Variants in GMPS observed in about 807,000 individuals in gnomAD.
GMPS encodes the protein guanosine monophosphate synthase.
GMPS carries 15 observed loss-of-function variants against 77.9 expected under a neutral mutation model. That is an observed-to-expected ratio of 0.19 (90% CI 0.13 to 0.30). The LOEUF (loss-of-function observed/expected upper bound fraction) is 0.30, where lower values mean the gene tolerates loss of function less well. Ranked by LOEUF, GMPS falls within the 10% of genes least tolerant of loss-of-function variation. The pLI is 1.00. For synonymous variants in GMPS, 224 were observed against 275.9 expected (o/e 0.81, Z 1.86); for missense variants, 590 against 838.8 (o/e 0.70, Z 3.66).
upstream of GMPS, among the ~76,000 whole-genome samples, chr3:155,870,186 G>T (rs1244426175): frequency 6.6e-6 from 1 of 152,224 alleles, no homozygotes; most frequent in Non-Finnish European, 1.5e-5. Flanking sequence ...AGCAGCCTTG[G>T]CCTCCTTCAT....
At chr3:155,880,972 C>T (rs914033368) in intron 1 of GMPS, among the ~76,000 whole-genome samples, 1 of 151,688 alleles carries the variant, frequency 6.6e-6, no homozygotes, top group Non-Finnish European at 1.5e-5. Context: ...ATCATAAAGA[C>T]AAAGTCACCG....
At position 155,893,638 on chromosome 3, in the gene GMPS, G is replaced by A. The variant is rs745389093; in HGVS notation, c.148G>A (p.Val50Met). ...VIDRRVRELF[V>M]QSEIFPLETP... The stretch of plus-strand genomic sequence containing the variant: ...AGACCGAAGAGTGAGGGAACTGTTC[G>A]TGCAGTCTGAAATTTTCCCCTTGGA... Residue 50 changes from valine to methionine, a missense_variant, in exon 2 of 16, where the codon GTG (valine) becomes ATG (methionine). Physicochemically the swap from Val to Met is conservative, Grantham distance 21. Transcript: ENST00000496455. 8 of 1,611,968 alleles carry A rather than the reference G, an allele frequency of 5.0e-6. No individual in the cohort carries two copies. Among genetic ancestry groups the A allele is most frequent in the Non-Finnish European group, 5.1e-6 (6 of 1,178,276 alleles).
At chr3:155,870,949 G>A (rs932936524) in intron 1 of GMPS, 52 bp downstream of exon 1, 67 of 1,402,574 alleles carry the variant, frequency 4.8e-5, no homozygotes, top group Non-Finnish European at 6.1e-5. Context: ...CGAGGCTCCC[G>A]GACCGGGGAG....
At position 155,893,576 on chromosome 3, in the gene GMPS, T is replaced by C; in HGVS notation, c.86T>C (p.Val29Ala). The change falls in exon 2 of 16, where the codon GTC (valine) becomes GCC (alanine). Residue 29 changes from valine (V) to alanine (A), a missense_variant. Coordinates refer to ENST00000496455, the MANE Select transcript of GMPS (RefSeq NM_003875.3). ...CACCACCACTATGAAGGAGCTGTTG[T>C]CATTCTGGATGCTGGTGCTCAGTAC... ...DGHHHYEGAVVILDAGAQYGK... is the reference protein window; with the variant it reads ...DGHHHYEGAVAILDAGAQYGK... 1.2e-6 allele frequency: 2 copies of C among 1,612,808 alleles called. No homozygotes were observed.
intron 1 of GMPS, among the ~76,000 whole-genome samples, chr3:155,889,679 C>T (rs1754418420): frequency 1.3e-5 from 2 of 152,178 alleles, no homozygotes; most frequent in South Asian, 4.1e-4. Context: ...AAAACATTTC[C>T]ATAAACATTT....
chr3:155,876,055 T>C (rs147052563), intron 1 of GMPS, among the ~76,000 whole-genome samples: 1 of 152,326 alleles, frequency 6.6e-6, no homozygotes, highest in African/African-American at 2.4e-5. Flanking sequence ...ACAATACAAT[T>C]AGTAAGTAAA....
At chr3:155,877,797 CT>C (rs35973380) in intron 1 of GMPS, among the ~76,000 whole-genome samples, 78,475 of 112,924 alleles carry the variant, frequency 0.69, 26,151 homozygotes, top group Middle Eastern at 0.78. Flanking sequence ...ACCTTGGGGC[CT>C]TTTTTTTTTT....
intron 11 of GMPS, among the ~76,000 whole-genome samples, chr3:155,923,051 A>G (rs982953274): frequency 1.3e-5 from 2 of 152,308 alleles, no homozygotes; most frequent in African/African-American, 4.8e-5. Flanking sequence ...ACCATGAATG[A>G]GAAAGGAAAA....
In GMPS at chr3:155,894,940, G is replaced by A. The variant is rs1471351479; in HGVS notation, c.209+1241G>A. Among the ~76,000 whole-genome samples, 2 of 152,144 alleles carry A rather than the reference G, an allele frequency of 1.3e-5. 1 individual carries two copies. The highest frequency in any genetic ancestry group is 4.8e-5 in the African/African-American group (2 of 41,436). Reference sequence around the variant, plus strand: ...TGATTTTATTTACCAGCAAGAACTAGTTTTTTAGAGGGATCAAAAAACTCT... The same window carrying A: ...TGATTTTATTTACCAGCAAGAACTAATTTTTTAGAGGGATCAAAAAACTCT... On this transcript the variant is annotated intron_variant, in intron 2 of 15. Transcript: ENST00000496455.
intron 2 of GMPS, among the ~76,000 whole-genome samples, chr3:155,896,613 G>A (rs555105658): frequency 6.6e-6 from 1 of 150,970 alleles, no homozygotes; most frequent in African/African-American, 2.4e-5. Flanking sequence ...TAGACATGGG[G>A]TTTTGCCACA....
At chr3:155,878,233 C>T (rs2108049663) in intron 1 of GMPS, among the ~76,000 whole-genome samples, 1 of 152,284 alleles carries the variant, frequency 6.6e-6, no homozygotes, top group Non-Finnish European at 1.5e-5. Flanking sequence ...ACCGTAGCAC[C>T]TATTTTGGAC....
intron 2 of GMPS, among the ~76,000 whole-genome samples, chr3:155,896,506 G>A (rs1200347681): frequency 6.6e-6 from 1 of 152,044 alleles, no homozygotes; most frequent in Non-Finnish European, 1.5e-5. Context: ...GTGCTTTTGA[G>A]CTCATTGAAG....
chr3:155,942,858 G>C lies in GMPS; in HGVS notation c.*5166G>C, dbSNP rs1755926430. The stretch of plus-strand genomic sequence containing the variant: ...CCTGTCATTTGGGTATTATTCTTTA[G>C]AGAACTAGAGATTACCTAGCTGCAA... On this transcript the variant is annotated 3_prime_UTR_variant, in exon 16 of 16. Coordinates refer to ENST00000496455, the MANE Select transcript of GMPS (RefSeq NM_003875.3). 4.8e-6 allele frequency: 1 copy of C among 209,342 alleles called. No homozygotes were observed. Among genetic ancestry groups the C allele is most frequent in the East Asian group, 7.3e-5 (1 of 13,786 alleles). 13.0% of individuals were successfully genotyped at this position (209,342 alleles called of 1,614,324 possible). A position where few individuals can be genotyped will look rare whatever the true frequency, so the allele number is the denominator to read the frequency against.
At chr3:155,893,980 C>G (rs1225683996) in intron 2 of GMPS, among the ~76,000 whole-genome samples, 1 of 152,134 alleles carries the variant, frequency 6.6e-6, no homozygotes, top group Non-Finnish European at 1.5e-5. Flanking sequence ...TGTGGCCATT[C>G]ATTCATTTAC....
intron 9 of GMPS, among the ~76,000 whole-genome samples, chr3:155,918,069 A>G (rs969642015): frequency 6.6e-6 from 1 of 152,200 alleles, no homozygotes; most frequent in Admixed American, 6.5e-5. Context: ...AATCTAACCA[A>G]AAGTACATAA....
intron 1 of GMPS, among the ~76,000 whole-genome samples, chr3:155,873,803 T>C (rs113346887): frequency 0.012 from 1,844 of 151,474 alleles, 48 homozygotes; most frequent in African/African-American, 0.043. Context: ...CCTAGCTAAT[T>C]TTTTTGTATT....
At chr3:155,904,525 G>A (rs886865525) in intron 4 of GMPS, among the ~76,000 whole-genome samples, 6 of 152,060 alleles carry the variant, frequency 3.9e-5, no homozygotes, top group African/African-American at 7.2e-5. Flanking sequence ...CCTAGACCTC[G>A]TGATCTGTCC....
At chr3:155,899,058 C>G (rs1461817868) in intron 3 of GMPS, among the ~76,000 whole-genome samples, 1 of 151,942 alleles carries the variant, frequency 6.6e-6, no homozygotes, top group African/African-American at 2.4e-5. Context: ...TGGGGAAACC[C>G]TGTCTCTATT....
intron 1 of GMPS, among the ~76,000 whole-genome samples, chr3:155,891,683 G>A (rs530331416): frequency 1.3e-5 from 2 of 148,600 alleles, no homozygotes; most frequent in Admixed American, 1.4e-4. Flanking sequence ...CTTGGCTCAC[G>A]GCAACTTCCG....
Sources: gnomAD v4.1 joint callset for allele counts (sites outside exome capture counted in the v4.1 genomes callset) on GRCh38, gnomAD v4.1.1 for gene constraint, MANE v1.5 for transcripts, NCBI Gene and HGNC (gene_info 2026-07-23, HGNC 2026-07-21) for gene names.